Variants in ERC1 observed in about 807,000 individuals in gnomAD.
The protein encoded by ERC1 is ELKS/RAB6-interacting/CAST family member 1.
Under a neutral mutation model 132.0 loss-of-function variants are expected in ERC1, and 56 were observed. The observed-to-expected ratio is 0.42, with a 90% CI of 0.34 to 0.53. ERC1 has a LOEUF of 0.53. Ranked by LOEUF, ERC1 falls within the 20% of genes least tolerant of loss-of-function variation. The pLI, the probability that ERC1 is intolerant of heterozygous loss-of-function variation, is 0.03. For synonymous variants in ERC1, 478 were observed against 476.1 expected, an observed-to-expected ratio of 1.00 and a Z score of -0.05; for missense variants, 1,202 against 1,349.9, an observed-to-expected ratio of 0.89 and a Z score of 1.72.
At chr12:995,095 C>A (rs76321248) in intron 1 of ERC1, among the ~76,000 whole-genome samples, 39,457 of 121,506 alleles carry the variant, frequency 0.32, 5,388 homozygotes, top group Middle Eastern at 0.48. Flanking sequence ...GACTCTGTCT[C>A]AAAAAAAAAA....
Position 1,289,960 on chromosome 12 carries a change from A to G in ERC1, c.2728A>G (p.Thr910Ala), listed in dbSNP as rs199947368. The G allele has an allele frequency of 2.0e-4, 321 of 1,614,098 alleles. 2 individuals are homozygous for G. In the South Asian group the frequency reaches 3.4e-3, roughly 17 times the overall value. Residue 910 changes from threonine to alanine, a missense_variant, in exon 15 of 19, where the codon ACT becomes GCT. Thr to Ala is a moderately conservative substitution (Grantham distance 58). Coordinates refer to ENST00000360905, the MANE Select transcript of ERC1 (RefSeq NM_178040.4). Reference sequence around the variant, plus strand: ...TCTGGCAGAAAAGGAAACTCACTTGACTAATCTTCGGGCAGAGAGAAGGAA... The same window carrying G: ...TCTGGCAGAAAAGGAAACTCACTTGGCTAATCTTCGGGCAGAGAGAAGGAA... ...QSLAEKETHL[T>A]NLRAERRKHL...
At chr12:1,217,197 A>T (rs1238750553) in intron 12 of ERC1, among the ~76,000 whole-genome samples, 1 of 152,194 alleles carries the variant, frequency 6.6e-6, no homozygotes, top group Non-Finnish European at 1.5e-5. Flanking sequence ...AGATCCAAAA[A>T]GCCAAGCCTG....
At position 1,495,725 on chromosome 12, in the gene ERC1, T is replaced by A; in HGVS notation, c.*5495T>A. The A allele has an allele frequency of 4.5e-6, 1 of 224,452 alleles. No individual in the cohort carries two copies. Among genetic ancestry groups the A allele is most frequent in the South Asian group, 1.8e-4 (1 of 5,456 alleles). The allele number at this position is 224,452 out of a possible 1,614,324, so 13.9% of individuals were successfully genotyped here. A position where few individuals can be genotyped will look rare whatever the true frequency, so the allele number is the denominator to read the frequency against. The stretch of plus-strand genomic sequence containing the variant: ...TTGGTAACAGTAGCAGCCTCCATGG[T>A]GGTGTCTGGGATGCACGTGCACCCG... On this transcript the variant is annotated 3_prime_UTR_variant, in exon 19 of 19. Coordinates refer to ENST00000360905, the MANE Select transcript of ERC1 (RefSeq NM_178040.4).
At chr12:1,472,219 C>G (rs1016046780) in intron 18 of ERC1, among the ~76,000 whole-genome samples, 1 of 152,162 alleles carries the variant, frequency 6.6e-6, no homozygotes, top group Admixed American at 6.6e-5. Context: ...TGTTTTATTT[C>G]TTTTAGGGCT....
chr12:1,419,855 A>C (rs1369554562), intron 17 of ERC1, among the ~76,000 whole-genome samples: 2 of 64,914 alleles, frequency 3.1e-5, no homozygotes, highest in African/African-American at 8.9e-5. Flanking sequence ...AGTAATGGTG[A>C]TTTTCTGGCA....
chr12:1,420,535 A>G (rs1322971796), intron 17 of ERC1, among the ~76,000 whole-genome samples: 1 of 152,130 alleles, frequency 6.6e-6, no homozygotes, highest in Non-Finnish European at 1.5e-5. Flanking sequence ...GGCTCGCTAC[A>G]AGCTCTGCCT....
chr12:1,045,052 G>A (rs1003615500), intron 2 of ERC1, among the ~76,000 whole-genome samples: 17 of 152,050 alleles, frequency 1.1e-4, no homozygotes, highest in South Asian at 4.1e-4. Flanking sequence ...TTTAAAATAC[G>A]TGCTTTTGTA....
At chr12:1,453,811 T>C (rs940290935) in intron 18 of ERC1, among the ~76,000 whole-genome samples, 1 of 152,166 alleles carries the variant, frequency 6.6e-6, no homozygotes. Flanking sequence ...CTTTGTCTTA[T>C]CTTCTTCAGA....
chr12:1,309,932 TTTTG>T (rs1259220301), intron 15 of ERC1, among the ~76,000 whole-genome samples: 2 of 135,802 alleles, frequency 1.5e-5, no homozygotes, highest in Non-Finnish European at 3.2e-5. Context: ...ATTTGTTTTC[TTTTG>T]TTTTGTTTTG....
chr12:1,266,513 T>A (rs2077495261), intron 14 of ERC1, among the ~76,000 whole-genome samples: 1 of 144,298 alleles, frequency 6.9e-6, no homozygotes, highest in Admixed American at 7.1e-5. Context: ...CAAGCCATTC[T>A]CCTGCCTCAG....
intron 17 of ERC1, among the ~76,000 whole-genome samples, chr12:1,428,565 C>A (rs1591993702): frequency 6.6e-6 from 1 of 152,002 alleles, no homozygotes; most frequent in Non-Finnish European, 1.5e-5. Context: ...TTTTTTAATA[C>A]CAGTTTTGGA....
chr12:1,212,512 A>G (rs943320268), intron 12 of ERC1, among the ~76,000 whole-genome samples: 1 of 152,192 alleles, frequency 6.6e-6, no homozygotes, highest in African/African-American at 2.4e-5. Context: ...AGTATTTGAG[A>G]GCACGAACAA....
chr12:1,105,506 T>C (rs187894457), intron 4 of ERC1, among the ~76,000 whole-genome samples: 7,210 of 152,102 alleles, frequency 0.047, 255 homozygotes, highest in Middle Eastern at 0.1. Context: ...CACAGGCGCC[T>C]GCCACCACGC....
intron 8 of ERC1, among the ~76,000 whole-genome samples, chr12:1,164,561 C>T (rs1952209095): frequency 6.6e-6 from 1 of 152,026 alleles, no homozygotes; most frequent in Middle Eastern, 3.4e-3. Context: ...AGGATGGTCT[C>T]GATCTCCTGA....
At chr12:1,474,475 A>G (rs563897999) in intron 18 of ERC1, among the ~76,000 whole-genome samples, 1 of 152,340 alleles carries the variant, frequency 6.6e-6, no homozygotes, top group Admixed American at 6.5e-5. Context: ...CCAAGTCCAC[A>G]GAACTTTTAA....
At chr12:1,347,118 A>G (rs1029334500) in intron 15 of ERC1, among the ~76,000 whole-genome samples, 1 of 152,188 alleles carries the variant, frequency 6.6e-6, no homozygotes, top group African/African-American at 2.4e-5. Context: ...ACTCCTGGCA[A>G]TTTTCACATG....
At chr12:1,144,638 G>GTATATATATA (rs1417729876) in intron 8 of ERC1, among the ~76,000 whole-genome samples, 7 of 139,776 alleles carry the variant, frequency 5.0e-5, no homozygotes, top group African/African-American at 2.2e-4. Context: ...ATATATACGT[G>GTATATATATA]TATATATATA....
intron 12 of ERC1, among the ~76,000 whole-genome samples, chr12:1,203,310 G>T (rs935396148): frequency 6.6e-6 from 1 of 152,086 alleles, no homozygotes; most frequent in Non-Finnish European, 1.5e-5. Context: ...TGCTTGCCTC[G>T]GCCTCCCAAA....
intron 13 of ERC1, among the ~76,000 whole-genome samples, chr12:1,248,126 C>T (rs1037502326): frequency 6.6e-6 from 1 of 152,168 alleles, no homozygotes; most frequent in African/African-American, 2.4e-5. Flanking sequence ...AGAGATGAAC[C>T]TTGACCTGTC....
Sources: allele counts gnomAD v4.1 joint callset (sites outside exome capture counted in the v4.1 genomes callset), GRCh38; gene constraint gnomAD v4.1.1; transcripts MANE v1.5; gene names NCBI Gene and HGNC (gene_info 2026-07-23, HGNC 2026-07-21).